Variants in OR52N1 observed in about 807,000 individuals in gnomAD.
The protein encoded by OR52N1 is olfactory receptor family 52 subfamily N member 1.
OR52N1 carries 11 observed loss-of-function variants against 13.9 expected under a neutral mutation model. That is an observed-to-expected ratio of 0.79 (90% CI 0.50 to 1.31). The LOEUF (loss-of-function observed/expected upper bound fraction) is 1.31. Among genes scored for constraint, OR52N1 ranks in the 40% most tolerant of loss-of-function variants. The pLI is 0.00. For missense variants in OR52N1, 414 were observed against 397.7 expected (o/e 1.04, Z -0.35); for synonymous variants, 142 against 143.7 (o/e 0.99, Z 0.08).
At chr11:5,789,610 A>G (rs1854634715) in intron 1 of OR52N1, among the ~76,000 whole-genome samples, 1 of 152,134 alleles carries the variant, frequency 6.6e-6, no homozygotes, top group Admixed American at 6.6e-5. Flanking sequence ...GATGCTTATC[A>G]TCTTAAACAA....
chr11:5,788,173 C>T lies in OR52N1; in HGVS notation c.644G>A (p.Cys215Tyr). Residue 215 changes from cysteine to tyrosine, a missense_variant, in exon 2 of 2, where the codon TGC becomes TAC. Physicochemically the swap from Cys to Tyr is radical, Grantham distance 194. Coordinates refer to ENST00000641645, the MANE Select transcript of OR52N1 (RefSeq NM_001001913.2). ...ALLIGGFDILCITISYTMILQ... is the reference protein window; with the variant it reads ...ALLIGGFDILYITISYTMILQ... ...AATCATAGTGTAGGAGATTGTAATGCACAGGATATCAAAGCCCCCAATCAG... is the reference window on the plus strand; with the variant it reads ...AATCATAGTGTAGGAGATTGTAATGTACAGGATATCAAAGCCCCCAATCAG... 2 of 1,613,936 alleles carry T rather than the reference C, an allele frequency of 1.2e-6. No individual in the cohort carries two copies. The highest frequency in any genetic ancestry group is 8.5e-7 in the Non-Finnish European group (1 of 1,179,948).
At position 5,787,943 on chromosome 11, in the gene OR52N1, G is replaced by T. The variant is rs772301413; in HGVS notation, c.874C>A (p.Pro292Thr). ...CTGGTTTTCACCCCATACACAATAGGGTTCATTGTGGGAGGCATTAGTAGG... is the reference window on the plus strand; with the variant it reads ...CTGGTTTTCACCCCATACACAATAGTGTTCATTGTGGGAGGCATTAGTAGG... ...LYLLMPPTMNPIVYGVKTRQV... is the reference protein window; with the variant it reads ...LYLLMPPTMNTIVYGVKTRQV... The change falls in exon 2 of 2, where the codon CCT becomes ACT. Residue 292 changes from proline (P) to threonine (T), a missense_variant. Coordinates refer to ENST00000641645, the MANE Select transcript of OR52N1 (RefSeq NM_001001913.2). 4.1e-5 allele frequency: 61 copies of T among 1,503,130 alleles called. 12 individuals carry two copies. The highest frequency in any genetic ancestry group is 5.3e-5 in the Non-Finnish European group (59 of 1,104,610). 93.1% of individuals were successfully genotyped at this position (1,503,130 alleles called of 1,614,324 possible).
intron 1 of OR52N1, among the ~76,000 whole-genome samples, chr11:5,790,127 T>G (rs1854640010): frequency 6.6e-6 from 1 of 152,088 alleles, no homozygotes; most frequent in African/African-American, 2.4e-5. Context: ...CTTGACATAT[T>G]GGAGGTGACC....
Position 5,788,681 on chromosome 11 carries a change from C to T in OR52N1, c.136G>A (p.Gly46Ser), listed in dbSNP as rs1179493382. 27 of 1,613,846 alleles carry T rather than the reference C, an allele frequency of 1.7e-5. No individual in the cohort carries two copies. The Middle Eastern group carries it at 6.6e-4, about 39-fold the overall frequency. The change falls in exon 2 of 2, where the codon GGC becomes AGC. Residue 46 changes from glycine to serine, a missense_variant. Transcript: ENST00000641645. The part of the protein sequence containing the change: ...MYSIAITGNF[G>S]LMYLIYCDEA... Reference sequence around the variant, plus strand: ...TCACAGTAGATGAGGTACATAAGGCCGAAGTTCCCTGTAATAGCAATGCTG... The same window carrying T: ...TCACAGTAGATGAGGTACATAAGGCTGAAGTTCCCTGTAATAGCAATGCTG...
chr11:5,787,857 A>G lies in OR52N1; in HGVS notation c.960T>C (p.Phe320=), dbSNP rs1203669825. ...AATTCTAACATCTCAGAAGACTTTA[A>G]AAGTTATGAGAATTGTCCTTTCCCT... The part of the protein sequence containing the change: ...FLKGKDNSHN[F] Residue 320 remains phenylalanine (F), a synonymous_variant, in exon 2 of 2, where the codon TTT becomes TTC. Transcript: ENST00000641645. 9 of 1,480,714 alleles carry G rather than the reference A, an allele frequency of 6.1e-6. 2 individuals carry two copies. Among genetic ancestry groups the G allele is most frequent in the Non-Finnish European group, 8.2e-6 (9 of 1,097,558 alleles). 91.7% of individuals were successfully genotyped at this position (1,480,714 alleles called of 1,614,324 possible). A position where few individuals can be genotyped will look rare whatever the true frequency, so the allele number is the denominator to read the frequency against.
chr11:5,788,332 G>C lies in OR52N1; in HGVS notation c.485C>G (p.Thr162Ser), dbSNP rs1160877276. 2.5e-6 allele frequency: 4 copies of C among 1,614,020 alleles called. No individual in the cohort carries two copies. Among genetic ancestry groups the C allele is most frequent in the Non-Finnish European group, 3.4e-6 (4 of 1,179,996 alleles). ...GTATGGAAGGCGCTTGGTGAGGAAA[G>C]TGGAAGGGATAACAAGCATCACACC... ...LRGVMLVIPS[T>S]FLTKRLPYCK... Residue 162 changes from threonine to serine, a missense_variant, in exon 2 of 2, where the codon ACT becomes AGT. Physicochemically the swap from Thr to Ser is moderately conservative, Grantham distance 58. Coordinates refer to ENST00000641645, the MANE Select transcript of OR52N1 (RefSeq NM_001001913.2).
In OR52N1 at chr11:5,788,240, T is replaced by C; in HGVS notation, c.577A>G (p.Asn193Asp). ...HMSVAKISCGNVRVNAIYGLI... is the reference protein window; with the variant it reads ...HMSVAKISCGDVRVNAIYGLI... ...CCATAGATGGCGTTAACCCTGACAT[T>C]ACCACAAGATATCTTGGCCACAGAC... Residue 193 changes from asparagine (N) to aspartate (D), a missense_variant, in exon 2 of 2, where the codon AAT becomes GAT. Physicochemically the swap from Asn to Asp is conservative, Grantham distance 23. Coordinates refer to ENST00000641645, the MANE Select transcript of OR52N1 (RefSeq NM_001001913.2). 8 of 1,614,048 alleles carry C rather than the reference T, an allele frequency of 5.0e-6. No homozygotes were observed. The highest frequency in any genetic ancestry group is 6.8e-6 in the Non-Finnish European group (8 of 1,179,980).
Position 5,788,806 on chromosome 11 carries a change from A to C in OR52N1, c.11T>G (p.Leu4Arg), listed in dbSNP as rs774353460. The change falls in exon 2 of 2, where the codon CTA (leucine) becomes CGA (arginine). Residue 4 changes from leucine to arginine, a missense_variant. Physicochemically the swap from Leu to Arg is moderately radical, Grantham distance 102. Coordinates refer to ENST00000641645, the MANE Select transcript of OR52N1 (RefSeq NM_001001913.2). ...AGCTGGAGTTAGGCTGGTGCCATTTAGAAATGACATAATGACTGTTGGAAG... is the reference window on the plus strand; with the variant it reads ...AGCTGGAGTTAGGCTGGTGCCATTTCGAAATGACATAATGACTGTTGGAAG... MSFLNGTSLTPASF... is the reference protein window; with the variant it reads MSFRNGTSLTPASF... 4 of 1,601,660 alleles carry C rather than the reference A, an allele frequency of 2.5e-6. No homozygotes were observed. Among genetic ancestry groups the C allele is most frequent in the Non-Finnish European group, 3.4e-6 (4 of 1,178,362 alleles).
At chr11:5,789,210 C>G (rs1854631187) in intron 1 of OR52N1, among the ~76,000 whole-genome samples, 1 of 152,178 alleles carries the variant, frequency 6.6e-6, no homozygotes, top group African/African-American at 2.4e-5. Context: ...CCGTTGTATT[C>G]TGAAATGTTA....
intron 1 of OR52N1, among the ~76,000 whole-genome samples, chr11:5,789,837 G>A (rs1055252608): frequency 4.6e-5 from 7 of 152,104 alleles, no homozygotes; most frequent in Non-Finnish European, 1.0e-4. Context: ...GGTAGAACAA[G>A]GACCAACAAA....
At position 5,788,271 on chromosome 11, in the gene OR52N1, G is replaced by C. The variant is rs1198114024; in HGVS notation, c.546C>G (p.Asp182Glu). 6.2e-7 allele frequency: 1 copy of C among 1,614,102 alleles called. No homozygotes were observed. The stretch of plus-strand genomic sequence containing the variant: ...AAGATATCTTGGCCACAGACATGTG[G>C]TCACAGTAGGTGTGGGGTATGACGT... ...KGNVIPHTYC[D>E]HMSVAKISCG... Residue 182 changes from aspartate to glutamate, a missense_variant, in exon 2 of 2, where the codon GAC becomes GAG. Physicochemically the swap from Asp to Glu is conservative, Grantham distance 45. Coordinates refer to ENST00000641645, the MANE Select transcript of OR52N1 (RefSeq NM_001001913.2).
rs11823184 is a variant in OR52N1, at chr11:5,788,175, C to A, written c.642G>T (p.Leu214=). Residue 214 remains leucine (L), a synonymous_variant, in exon 2 of 2, where the codon CTG becomes CTT. Transcript: ENST00000641645. ...TCATAGTGTAGGAGATTGTAATGCA[C>A]AGGATATCAAAGCCCCCAATCAGCA... ...VALLIGGFDI[L]CITISYTMIL... 6.2e-7 allele frequency: 1 copy of A among 1,613,930 alleles called. No individual in the cohort carries two copies.
chr11:5,787,947 C>CCCACACAATAGGTCCCACACA lies in OR52N1; in HGVS notation c.869_870insTGTGTGGGACCTATTGTGTGG (p.Met290delinsIleValTrpAspLeuLeuCysGly), dbSNP rs1854610912. 1 of 1,523,862 alleles carries CCCACACAATAGGTCCCACACA rather than the reference C, an allele frequency of 6.6e-7. No individual in the cohort carries two copies. Among genetic ancestry groups the CCCACACAATAGGTCCCACACA allele is most frequent in the Non-Finnish European group, 9.0e-7 (1 of 1,114,804 alleles). The allele number at this position is 1,523,862 out of a possible 1,614,324, so 94.4% of individuals were successfully genotyped here. A position where few individuals can be genotyped will look rare whatever the true frequency, so the allele number is the denominator to read the frequency against. On this transcript the variant is annotated protein_altering_variant, in exon 2 of 2. Transcript: ENST00000641645. The stretch of plus-strand genomic sequence containing the variant: ...TTTTCACCCCATACACAATAGGGTT[C>CCCACACAATAGGTCCCACACA]ATTGTGGGAGGCATTAGTAGGTAGA...
rs1445020066 is a variant in OR52N1, at chr11:5,788,147, G to C, written c.670C>G (p.Leu224Val). ...LCITISYTMI[L>V]QAVVSLSSAD... ...GATGATAGACTCACAACTGCTTGAAGAATCATAGTGTAGGAGATTGTAATG... is the reference window on the plus strand; with the variant it reads ...GATGATAGACTCACAACTGCTTGAACAATCATAGTGTAGGAGATTGTAATG... Residue 224 changes from leucine (L) to valine (V), a missense_variant, in exon 2 of 2, where the codon CTT (leucine) becomes GTT (valine). Physicochemically the swap from Leu to Val is conservative, Grantham distance 32. Transcript: ENST00000641645. 1.3e-5 allele frequency: 21 copies of C among 1,613,894 alleles called. No individual in the cohort carries two copies. The highest frequency in any genetic ancestry group is 1.8e-5 in the Non-Finnish European group (21 of 1,179,980).
At chr11:5,790,910 T>G (rs1298803117) in intron 1 of OR52N1, among the ~76,000 whole-genome samples, 2 of 152,078 alleles carry the variant, frequency 1.3e-5, no homozygotes, top group African/African-American at 4.8e-5. Flanking sequence ...GTTGATAGTT[T>G]CTTTTGCTGT....
At chr11:5,790,724 G>A (rs1176604083) in intron 1 of OR52N1, among the ~76,000 whole-genome samples, 1 of 152,010 alleles carries the variant, frequency 6.6e-6, no homozygotes, top group East Asian at 1.9e-4. Flanking sequence ...TCATATGATT[G>A]TTGGCCACAT....
At chr11:5,790,541 C>T (rs533165968) in intron 1 of OR52N1, among the ~76,000 whole-genome samples, 31 of 152,006 alleles carry the variant, frequency 2.0e-4, no homozygotes, top group Non-Finnish European at 4.3e-4. Context: ...AACATACAAG[C>T]CAGTTTGTCT....
In OR52N1 at chr11:5,788,793, G is replaced by A; in HGVS notation, c.24C>T (p.Ser8=). 1 of 1,605,556 alleles carries A rather than the reference G, an allele frequency of 6.2e-7. No homozygotes were observed. The highest frequency in any genetic ancestry group is 8.5e-7 in the Non-Finnish European group (1 of 1,179,196). MSFLNGT[S]LTPASFILNG... ...TTAGGATGAATGAAGCTGGAGTTAG[G>A]CTGGTGCCATTTAGAAATGACATAA... is the stretch of plus-strand genomic sequence containing the variant. Residue 8 remains serine, a synonymous_variant, in exon 2 of 2, where the codon AGC becomes AGT. Coordinates refer to ENST00000641645, the MANE Select transcript of OR52N1 (RefSeq NM_001001913.2).
chr11:5,790,768 C>T (rs1385406490), intron 1 of OR52N1, among the ~76,000 whole-genome samples: 1 of 152,054 alleles, frequency 6.6e-6, no homozygotes, highest in Non-Finnish European at 1.5e-5. Context: ...CTGTTCATAT[C>T]CCTTTCCTAC....
Sources: gnomAD v4.1 joint callset for allele counts (sites outside exome capture counted in the v4.1 genomes callset) on GRCh38, gnomAD v4.1.1 for gene constraint, MANE v1.5 for transcripts, NCBI Gene and HGNC (gene_info 2026-07-23, HGNC 2026-07-21) for gene names.